INTS3: variants seen among roughly 807,000 people sequenced by gnomAD.
INTS3 encodes integrator complex subunit 3.
In INTS3, 34 loss-of-function variants were observed where a neutral mutation model predicts 146.3. The observed-to-expected ratio is 0.23, with a 90% CI of 0.18 to 0.31. The LOEUF (loss-of-function observed/expected upper bound fraction) is 0.31, where lower values mean the gene tolerates loss of function less well. INTS3 is among the 10% of genes least tolerant of loss of function. The pLI is 1.00. For synonymous variants in INTS3, 475 were observed against 494.9 expected (o/e 0.96, Z 0.53); for missense variants, 757 against 1,304.2 (o/e 0.58, Z 6.46).
rs562085316 is a variant in INTS3, at chr1:153,772,516, G to T, written c.2821+76G>T. On this transcript the variant is annotated intron_variant, in intron 27 of 29. Coordinates refer to ENST00000318967, the MANE Select transcript of INTS3 (RefSeq NM_023015.5). The surrounding 1 kb of genome is among the most constrained non-coding windows in gnomAD (Gnocchi z 4.6). ...GACTATGCCTGGAGCCAGGCTGGGG[G>T]CAGGGGCAGGACACCCGGGGCCACA... The T allele has an allele frequency of 6.2e-7, 1 of 1,612,814 alleles. No homozygotes were observed. The highest frequency in any genetic ancestry group is 8.5e-7 in the Non-Finnish European group (1 of 1,179,326).
At chr1:153,743,566 G>A (rs1226406495) in intron 3 of INTS3, among the ~76,000 whole-genome samples, 1 of 151,628 alleles carries the variant, frequency 6.6e-6, no homozygotes, top group East Asian at 1.9e-4. Flanking sequence ...TATTGGGAAA[G>A]AGTAGAGGAT....
intron 13 of INTS3, chr1:153,761,129 T>A: frequency 1.5e-6 from 2 of 1,329,884 alleles, no homozygotes; most frequent in Non-Finnish European, 2.0e-6. Flanking sequence ...TGCCTTCATG[T>A]TCCCTGTTGA....
chr1:153,772,063 T>C lies in INTS3; in HGVS notation c.2720+100T>C. The C allele has an allele frequency of 7.8e-7, 1 of 1,287,414 alleles. No individual in the cohort carries two copies. Among genetic ancestry groups the C allele is most frequent in the South Asian group, 1.4e-5 (1 of 71,038 alleles). The allele number at this position is 1,287,414 out of a possible 1,614,324, so 79.7% of individuals were successfully genotyped here. Reference sequence around the variant, plus strand: ...TGGTGGTGGTGGTGATGGGGGTCAGTGCTGTCCCAGCCTGGTTTGTGGGCG... The same window carrying C: ...TGGTGGTGGTGGTGATGGGGGTCAGCGCTGTCCCAGCCTGGTTTGTGGGCG... On this transcript the variant is annotated intron_variant, in intron 26 of 29. Transcript: ENST00000318967. The surrounding 1 kb of genome is among the most constrained non-coding windows in gnomAD (Gnocchi z 4.6).
chr1:153,754,608 T>C, intron 8 of INTS3, 34 bp from the exon 9 acceptor site: 1 of 1,420,576 alleles, frequency 7.0e-7, no homozygotes, highest in Non-Finnish European at 1.0e-6. Flanking sequence ...TCCTTAGGCT[T>C]CCTCTTTTCT....
intron 8 of INTS3, among the ~76,000 whole-genome samples, chr1:153,754,357 T>TC (rs1672082241): frequency 6.6e-6 from 1 of 152,110 alleles, no homozygotes; most frequent in Non-Finnish European, 1.5e-5. Context: ...CCCTTAACTT[T>TC]CCCATCTGTT....
intron 10 of INTS3, 128 bp from the exon 11 acceptor site, chr1:153,759,398 G>A (rs1378672442): frequency 3.7e-5 from 27 of 721,504 alleles, no homozygotes; most frequent in Admixed American, 5.7e-5. Flanking sequence ...GCATTTCACC[G>A]TGTTTCACTA....
chr1:153,769,915 C>A, intron 23 of INTS3, 71 bp downstream of exon 23: 1 of 1,128,372 alleles, frequency 8.9e-7, no homozygotes, highest in Non-Finnish European at 1.4e-6. Context: ...GTATTTTACA[C>A]TATCAGGAAA....
chr1:153,730,977 G>C (rs1671037899), intron 1 of INTS3, among the ~76,000 whole-genome samples: 1 of 152,064 alleles, frequency 6.6e-6, no homozygotes, highest in Non-Finnish European at 1.5e-5. Flanking sequence ...ACTTGGTGTT[G>C]ATCGACTGAC....
At chr1:153,739,279 A>G (rs1192615840) in intron 1 of INTS3, among the ~76,000 whole-genome samples, 1 of 151,446 alleles carries the variant, frequency 6.6e-6, no homozygotes, top group African/African-American at 2.4e-5. Flanking sequence ...GTTGGCTAGG[A>G]TAGTCTTGAT....
At position 153,759,515 on chromosome 1, in the gene INTS3, C is replaced by G; in HGVS notation, c.1150-11C>G. The G allele has an allele frequency of 6.3e-7, 1 of 1,598,234 alleles. No individual in the cohort carries two copies. Among genetic ancestry groups the G allele is most frequent in the Middle Eastern group, 1.7e-4 (1 of 6,032 alleles). The stretch of plus-strand genomic sequence containing the variant: ...GAAACTAGCCCTCTGTTTCTCCCCT[C>G]TCTTTTCCAGTCAAATGTCGCTGCC... On this transcript the variant is annotated splice_polypyrimidine_tract_variant and intron_variant, in intron 10 of 29. Transcript: ENST00000318967.
intron 20 of INTS3, chr1:153,767,380 C>T: frequency 3.0e-6 from 1 of 329,456 alleles, no homozygotes; most frequent in Non-Finnish European, 5.5e-6. Context: ...CCTTCTCCAG[C>T]CTGACCTGAG....
intron 20 of INTS3, chr1:153,766,346 G>A (rs1322518795): frequency 6.6e-6 from 1 of 151,994 alleles, no homozygotes; most frequent in Non-Finnish European, 1.5e-5. Context: ...CACCCAGGCT[G>A]GAGTACAGTG....
chr1:153,742,507 T>TGTGTGTGTGC (rs1297466558), intron 3 of INTS3, among the ~76,000 whole-genome samples: 16 of 144,834 alleles, frequency 1.1e-4, no homozygotes, highest in African/African-American at 4.0e-4. Context: ...TGTGTGTGTG[T>TGTGTGTGTGC]GCGTGCGCAT....
chr1:153,742,823 A>G (rs1671588164), intron 3 of INTS3, among the ~76,000 whole-genome samples: 1 of 152,218 alleles, frequency 6.6e-6, no homozygotes, highest in African/African-American at 2.4e-5. Context: ...TAACAGCCCC[A>G]TGTGGGAGGC....
chr1:153,772,633 C>T lies in INTS3; in HGVS notation c.2822-6C>T, dbSNP rs767473896. 27 of 1,614,100 alleles carry T rather than the reference C, an allele frequency of 1.7e-5. No individual in the cohort carries two copies. In the Admixed American group the frequency reaches 4.3e-4, roughly 26 times the overall value. On this transcript the variant is annotated splice_polypyrimidine_tract_variant and splice_region_variant and intron_variant, in intron 27 of 29. Coordinates refer to ENST00000318967, the MANE Select transcript of INTS3 (RefSeq NM_023015.5). The surrounding 1 kb of genome is among the most constrained non-coding windows in gnomAD (Gnocchi z 4.6). ...TCCTTCCCTGCTCTCCCTTTTCTTC[C>T]TCTAGTTTTTAGCCAGACGCCAATT...
chr1:153,763,560 G>A (rs921273192), intron 16 of INTS3, among the ~76,000 whole-genome samples, 198 bp downstream of exon 16: 2 of 152,166 alleles, frequency 1.3e-5, no homozygotes, highest in Non-Finnish European at 1.5e-5. Context: ...GCCTCATTCC[G>A]TAACACCTTG....
chr1:153,772,219 C>A lies in INTS3; in HGVS notation c.2721-121C>A. 2 of 1,175,194 alleles carry A rather than the reference C, an allele frequency of 1.7e-6. No individual in the cohort carries two copies. Among genetic ancestry groups the A allele is most frequent in the Non-Finnish European group, 2.4e-6 (2 of 820,654 alleles). 72.8% of individuals were successfully genotyped at this position (1,175,194 alleles called of 1,614,324 possible). The stretch of plus-strand genomic sequence containing the variant: ...CTCACCCAACCCCAGCCCTCCCAGG[C>A]TGCCTATCCTGTTCCCCATGTAGGC... On this transcript the variant is annotated intron_variant, in intron 26 of 29. Transcript: ENST00000318967. This position sits in a 1 kb window ranked among gnomAD's most constrained non-coding sequence, Gnocchi z 4.6.
In INTS3 at chr1:153,773,016, C is replaced by CG. The variant is rs1294276114; in HGVS notation, c.2987dup (p.Ser997LysfsTer44). 6.2e-7 allele frequency: 1 copy of CG among 1,614,148 alleles called. No homozygotes were observed. The highest frequency in any genetic ancestry group is 1.1e-5 in the South Asian group (1 of 91,086). ...GCGAAAAGCAGCTCTGTCCAGCCCT[C>CG]GAAGTCGAAAGAATGCCACACAGCC... On this transcript the variant is annotated frameshift_variant, in exon 29 of 30. Transcript: ENST00000318967. LOFTEE classifies it high-confidence loss of function.
chr1:153,765,460 G>A (rs985152553), intron 20 of INTS3, among the ~76,000 whole-genome samples: 2 of 152,102 alleles, frequency 1.3e-5, no homozygotes, highest in South Asian at 4.1e-4. Context: ...TGAGTAGCTA[G>A]GATTACATAC....
Sources: allele counts gnomAD v4.1 joint callset (sites outside exome capture counted in the v4.1 genomes callset), GRCh38; gene constraint gnomAD v4.1.1; non-coding constraint Gnocchi (gnomAD v3.1); transcripts MANE v1.5; gene names NCBI Gene and HGNC (gene_info 2026-07-23, HGNC 2026-07-21).